The following RANBP2 variants were observed in gnomAD, a reference collection of about 807,000 sequenced individuals.
RANBP2 encodes E3 SUMO-protein ligase RanBP2.
A neutral mutation model predicts 303.6 loss-of-function variants in RANBP2; 57 were observed. The observed-to-expected ratio is 0.19, with a 90% CI of 0.15 to 0.23. The LOEUF is 0.23. RANBP2 is among the 10% of genes least tolerant of loss of function. The pLI, the probability that RANBP2 is intolerant of heterozygous loss-of-function variation, is 1.00. For missense variants in RANBP2, 3,138 were observed against 3,780.8 expected (o/e 0.83, Z 4.46); for synonymous variants, 1,167 against 1,301.5 (o/e 0.90, Z 2.23).
the RANBP2 span, among the ~76,000 whole-genome samples, chr2:109,675,264 C>T: frequency 3.3e-5 from 5 of 152,218 alleles, no homozygotes; most frequent in Non-Finnish European, 5.9e-5. Context: ...ACTCGAAGGA[C>T]AGCTTGGCAA....
chr2:109,193,104 G>A, the RANBP2 span, among the ~76,000 whole-genome samples: 1 of 152,166 alleles, frequency 6.6e-6, no homozygotes, highest in Admixed American at 6.5e-5. Context: ...AAATTATGAA[G>A]GAACATTCTT....
At chr2:109,211,162 A>G in the RANBP2 span, among the ~76,000 whole-genome samples, 1 of 152,086 alleles carries the variant, frequency 6.6e-6, no homozygotes, top group Admixed American at 6.5e-5. Context: ...ATTAAAGGAG[A>G]AGTGAGCCCT....
the RANBP2 span, among the ~76,000 whole-genome samples, chr2:109,519,454 G>T: frequency 0.028 from 4,255 of 152,248 alleles, 221 homozygotes; most frequent in African/African-American, 0.097. Flanking sequence ...CAAACTTGTA[G>T]TTCTAGGAAC....
the RANBP2 span, among the ~76,000 whole-genome samples, chr2:109,576,314 G>A: frequency 2.0e-5 from 3 of 151,848 alleles, no homozygotes; most frequent in Non-Finnish European, 4.4e-5. Flanking sequence ...GCCCGGGCTG[G>A]TCTTGAACTC....
chr2:109,013,509 C>T, the RANBP2 span, among the ~76,000 whole-genome samples: 4 of 152,108 alleles, frequency 2.6e-5, no homozygotes, highest in African/African-American at 9.7e-5. Flanking sequence ...AGGGTGTGTG[C>T]TCCGGTGACG....
At chr2:109,232,375 G>T in the RANBP2 span, among the ~76,000 whole-genome samples, 1 of 152,154 alleles carries the variant, frequency 6.6e-6, no homozygotes, top group Non-Finnish European at 1.5e-5. Context: ...ATATGGCTCA[G>T]GTTAGTACTT....
chr2:109,055,849 C>T, the RANBP2 span, among the ~76,000 whole-genome samples: 6 of 150,462 alleles, frequency 4.0e-5, no homozygotes, highest in Non-Finnish European at 8.9e-5. Flanking sequence ...CAACCTCTGC[C>T]TCCTGGGTTC....
the RANBP2 span, among the ~76,000 whole-genome samples, chr2:109,563,890 G>A: frequency 6.6e-6 from 1 of 152,188 alleles, no homozygotes; most frequent in South Asian, 2.1e-4. Flanking sequence ...CGAGGCTGAG[G>A]TAGGAGGATC....
chr2:108,772,970 T>G lies in RANBP2; in HGVS notation c.8216T>G (p.Val2739Gly), dbSNP rs1252086629. Residue 2739 changes from valine (V) to glycine (G), a missense_variant, in exon 23 of 29, where the codon GTC (valine) becomes GGC (glycine). By Grantham distance (109) the Val-to-Gly change is moderately radical. Around this residue, in one of 20 missense-constraint regions of RANBP2, gnomAD observed 497 missense variants for 465.8 expected, o/e 1.07. Transcript: ENST00000283195. ...LKLPPTFFCG[V>G]CSDTDEDNGN... ...CTTCCACCTACATTTTTTTGTGGAG[T>G]CTGTAGTGATACTGATGAAGACAAT... 2 of 1,613,682 alleles carry G rather than the reference T, an allele frequency of 1.2e-6. No individual in the cohort carries two copies. The highest frequency in any genetic ancestry group is 1.7e-6 in the Non-Finnish European group (2 of 1,179,912).
At chr2:109,121,249 T>TAAAACAAAAC in the RANBP2 span, among the ~76,000 whole-genome samples, 343 of 148,734 alleles carry the variant, frequency 2.3e-3, no homozygotes, top group Middle Eastern at 6.8e-3. Flanking sequence ...TCCATCTCTC[T>TAAAACAAAAC]AAAACAAAAC....
At chr2:109,314,682 C>G in the RANBP2 span, among the ~76,000 whole-genome samples, 2 of 152,344 alleles carry the variant, frequency 1.3e-5, no homozygotes, top group South Asian at 4.1e-4. Flanking sequence ...ATAAGGCAAA[C>G]CAGCTCCTTG....
chr2:109,596,240 G>C, the RANBP2 span, among the ~76,000 whole-genome samples: 1 of 152,250 alleles, frequency 6.6e-6, no homozygotes, highest in South Asian at 2.1e-4. Flanking sequence ...GTGGTTTTTA[G>C]TTTTTAATAT....
the RANBP2 span, among the ~76,000 whole-genome samples, chr2:109,717,270 AC>A: frequency 2.7e-3 from 272 of 101,166 alleles, 1 homozygote; most frequent in East Asian, 1.0e-2. Context: ...TTAAAAACAA[AC>A]CAAAAAAAAA....
At chr2:109,075,345 C>A in the RANBP2 span, among the ~76,000 whole-genome samples, 1 of 150,086 alleles carries the variant, frequency 6.7e-6, no homozygotes, top group Non-Finnish European at 1.5e-5. Context: ...CTGCCTCAGC[C>A]CCCCGAGTAG....
At chr2:109,250,069 A>G in the RANBP2 span, among the ~76,000 whole-genome samples, 1 of 149,610 alleles carries the variant, frequency 6.7e-6, no homozygotes, top group Non-Finnish European at 1.5e-5. Context: ...AGTGTTTTTG[A>G]GGGCAAAACA....
At chr2:108,967,962 G>T in the RANBP2 span, among the ~76,000 whole-genome samples, 1 of 152,164 alleles carries the variant, frequency 6.6e-6, no homozygotes, top group African/African-American at 2.4e-5. Context: ...AGCCACAGGG[G>T]TAGAAAACAG....
chr2:109,233,329 G>A, the RANBP2 span, among the ~76,000 whole-genome samples: 1 of 152,174 alleles, frequency 6.6e-6, no homozygotes, highest in Non-Finnish European at 1.5e-5. Context: ...CCTGGAAAGG[G>A]GAGAGAGTGG....
chr2:109,443,582 T>G, the RANBP2 span, among the ~76,000 whole-genome samples: 1 of 152,212 alleles, frequency 6.6e-6, no homozygotes, highest in Non-Finnish European at 1.5e-5. Flanking sequence ...GATGCTAATA[T>G]TAATCAAAAG....
the RANBP2 span, chr2:108,906,353 T>C: frequency 6.2e-7 from 1 of 1,614,168 alleles, no homozygotes; most frequent in Non-Finnish European, 8.5e-7. Flanking sequence ...AGGATCTTTT[T>C]CCTCCGGCTT....
Sources: gnomAD v4.1 joint callset for allele counts (sites outside exome capture counted in the v4.1 genomes callset) on GRCh38, gnomAD v4.1.1 for gene constraint, gnomAD v4.1.1 regional missense constraint, MANE v1.5 for transcripts, NCBI Gene and HGNC (gene_info 2026-07-23, HGNC 2026-07-21) for gene names.